Variants in FARS2 observed in about 807,000 individuals in gnomAD.
The protein encoded by FARS2 is phenylalanyl-tRNA synthetase 2, mitochondrial.
Under a neutral mutation model 46.4 loss-of-function variants are expected in FARS2, and 40 were observed. That is an observed-to-expected ratio of 0.86 (90% CI 0.67 to 1.12). The LOEUF is 1.12. Ranked by LOEUF, FARS2 falls within the 50% of genes most tolerant of loss-of-function variation. The pLI is 0.00. For missense variants in FARS2, 513 were observed against 567.9 expected, an observed-to-expected ratio of 0.90 and a Z score of 0.98; for synonymous variants, 234 against 214.9, an observed-to-expected ratio of 1.09 and a Z score of -0.78.
intron 6 of FARS2, among the ~76,000 whole-genome samples, chr6:5,769,616 GA>G (rs1175517226): frequency 6.6e-6 from 1 of 152,234 alleles, no homozygotes; most frequent in Non-Finnish European, 1.5e-5. Context: ...GAGCTGGACT[GA>G]AAAAGAAAGA....
At chr6:5,516,885 A>C (rs1179614506) in intron 4 of FARS2, among the ~76,000 whole-genome samples, 1 of 152,224 alleles carries the variant, frequency 6.6e-6, no homozygotes, top group Non-Finnish European at 1.5e-5. Flanking sequence ...TTGTGAATTC[A>C]GTGAAGACGT....
intron 6 of FARS2, among the ~76,000 whole-genome samples, chr6:5,686,667 G>A (rs575643899): frequency 8.5e-5 from 13 of 152,322 alleles, no homozygotes; most frequent in Non-Finnish European, 1.6e-4. Context: ...AAACATACAT[G>A]TGCATGTGTC....
At chr6:5,300,245 T>C (rs1768201141) in intron 1 of FARS2, among the ~76,000 whole-genome samples, 1 of 152,138 alleles carries the variant, frequency 6.6e-6, no homozygotes, top group African/African-American at 2.4e-5. Flanking sequence ...AAACCTTTTT[T>C]GATATAGGTA....
intron 4 of FARS2, among the ~76,000 whole-genome samples, chr6:5,483,822 C>A (rs1053153835): frequency 6.6e-6 from 1 of 152,088 alleles, no homozygotes; most frequent in Non-Finnish European, 1.5e-5. Context: ...AAGACAAAGA[C>A]AACCAGAGCT....
intron 4 of FARS2, among the ~76,000 whole-genome samples, chr6:5,541,318 A>T (rs975318782): frequency 4.6e-5 from 7 of 152,202 alleles, no homozygotes; most frequent in African/African-American, 1.7e-4. Context: ...TATGTTTGAA[A>T]TGCCAGTTTG....
At chr6:5,637,834 T>C (rs1434092816) in intron 6 of FARS2, among the ~76,000 whole-genome samples, 1 of 152,160 alleles carries the variant, frequency 6.6e-6, no homozygotes, top group Non-Finnish European at 1.5e-5. Context: ...GTCCTCCACT[T>C]CTTATCAGGA....
intron 1 of FARS2, among the ~76,000 whole-genome samples, chr6:5,345,841 C>A (rs976969336): frequency 6.6e-6 from 1 of 152,170 alleles, no homozygotes; most frequent in Admixed American, 6.5e-5. Flanking sequence ...AGAAAATAGG[C>A]CTATAATCTT....
the FARS2 span, among the ~76,000 whole-genome samples, chr6:5,255,325 G>C: frequency 1.3e-5 from 2 of 152,306 alleles, no homozygotes; most frequent in African/African-American, 2.4e-5. Context: ...ACAAATTGTA[G>C]ATAGCAACAA....
At chr6:5,609,162 G>A (rs1169583336) in intron 5 of FARS2, 20 of 824,872 alleles carry the variant, frequency 2.4e-5, no homozygotes, top group East Asian at 5.2e-5. Flanking sequence ...TCACAAATCC[G>A]TTGTAACCTG....
At chr6:5,570,801 G>GT (rs1772598083) in intron 5 of FARS2, among the ~76,000 whole-genome samples, 1 of 152,040 alleles carries the variant, frequency 6.6e-6, no homozygotes, top group Non-Finnish European at 1.5e-5. Flanking sequence ...TGGAAACGGG[G>GT]GTAATCTGCA....
At chr6:5,492,893 A>G (rs1173579550) in intron 4 of FARS2, among the ~76,000 whole-genome samples, 1 of 152,108 alleles carries the variant, frequency 6.6e-6, no homozygotes, top group Non-Finnish European at 1.5e-5. Flanking sequence ...GCCACCCACC[A>G]CTTTAGGGTT....
intron 6 of FARS2, among the ~76,000 whole-genome samples, chr6:5,730,358 T>C (rs1213981377): frequency 6.6e-6 from 1 of 152,086 alleles, no homozygotes; most frequent in African/African-American, 2.4e-5. Flanking sequence ...TACTAAATAG[T>C]TGGGGGAAGG....
At position 5,750,118 on chromosome 6, in the gene FARS2, G is replaced by A. The variant is rs115493036; in HGVS notation, c.1218-21173G>A. On this transcript the variant is annotated intron_variant, in intron 6 of 6. Transcript: ENST00000274680. Reference sequence around the variant, plus strand: ...CTCCGAGTTAGTGGGTCTGGGACTGGGGGAAAAGACAAGTGTCAGACCATC... The same window carrying A: ...CTCCGAGTTAGTGGGTCTGGGACTGAGGGAAAAGACAAGTGTCAGACCATC... Among the ~76,000 whole-genome samples, 655 of 152,268 alleles carry A rather than the reference G, an allele frequency of 4.3e-3. 5 individuals carry two copies. The highest frequency in any genetic ancestry group is 0.02 in the Middle Eastern group (6 of 294).
At chr6:5,336,239 G>GA (rs996839748) in intron 1 of FARS2, among the ~76,000 whole-genome samples, 110 of 145,090 alleles carry the variant, frequency 7.6e-4, no homozygotes, top group African/African-American at 2.2e-3. Context: ...ACAGAAAGGA[G>GA]AAAAAAAAAA....
At position 5,683,893 on chromosome 6, in the gene FARS2, A is replaced by G. The variant is rs182717677; in HGVS notation, c.1217+70573A>G. ...GTATTTGGTTTTCTGTTCTTGTGTT[A>G]GTTTGCTGAGAATGATGGTTTCCAG... On this transcript the variant is annotated intron_variant, in intron 6 of 6. Coordinates refer to ENST00000274680, the MANE Select transcript of FARS2 (RefSeq NM_006567.5). 5.2e-3 allele frequency among the ~76,000 whole-genome samples: 789 copies of G among 152,116 alleles called. 5 individuals carry two copies. Among genetic ancestry groups the G allele is most frequent in the Middle Eastern group, 0.02 (6 of 294 alleles).
chr6:5,449,943 A>G (rs138502274), intron 4 of FARS2, among the ~76,000 whole-genome samples: 1 of 152,364 alleles, frequency 6.6e-6, no homozygotes. Context: ...ACTCCTGAGT[A>G]TACCAAAATC....
the FARS2 span, among the ~76,000 whole-genome samples, chr6:5,251,924 A>G: frequency 6.6e-6 from 1 of 152,216 alleles, no homozygotes; most frequent in South Asian, 2.1e-4. Context: ...CTGGATTGCG[A>G]CTGGTAATAT....
intron 1 of FARS2, among the ~76,000 whole-genome samples, chr6:5,304,019 T>G (rs1216222752): frequency 2.0e-5 from 3 of 152,096 alleles, no homozygotes; most frequent in African/African-American, 7.2e-5. Context: ...CTGAGTAACA[T>G]AGCAGGCTGC....
chr6:5,440,829 C>CTG (rs1280588019), intron 4 of FARS2, among the ~76,000 whole-genome samples: 3 of 152,018 alleles, frequency 2.0e-5, no homozygotes, highest in African/African-American at 7.2e-5. Flanking sequence ...CCAGTTTATA[C>CTG]TGGTGGTGTT....
Sources: allele counts gnomAD v4.1 joint callset (sites outside exome capture counted in the v4.1 genomes callset), GRCh38; gene constraint gnomAD v4.1.1; transcripts MANE v1.5; gene names NCBI Gene and HGNC (gene_info 2026-07-23, HGNC 2026-07-21).